Variants in MOB3B observed in about 807,000 individuals in gnomAD.
MOB3B encodes MOB kinase activator 3B, also known as MOB kinase activator-like 2B.
Under a neutral mutation model 18.7 loss-of-function variants are expected in MOB3B, and 7 were observed. The observed-to-expected ratio is 0.37, with a 90% CI of 0.21 to 0.70. The LOEUF is 0.70. MOB3B is among the 30% of genes least tolerant of loss of function. The pLI is 0.52. For synonymous variants in MOB3B, 111 were observed against 99.9 expected (o/e 1.11, Z -0.66); for missense variants, 253 against 281.3 (o/e 0.90, Z 0.72).
chr9:27,372,563 G>C (rs1251275221), intron 2 of MOB3B, among the ~76,000 whole-genome samples: 1 of 152,176 alleles, frequency 6.6e-6, no homozygotes, highest in Non-Finnish European at 1.5e-5. Context: ...AACATCAACA[G>C]TGATCAATCG....
intron 2 of MOB3B, among the ~76,000 whole-genome samples, chr9:27,430,773 T>C (rs1169745875): frequency 2.0e-5 from 3 of 152,112 alleles, no homozygotes; most frequent in Non-Finnish European, 4.4e-5. Context: ...GAGGATTTTA[T>C]TGGTGGTTAT....
At chr9:27,511,120 G>A (rs1004084410) in intron 1 of MOB3B, among the ~76,000 whole-genome samples, 4 of 151,792 alleles carry the variant, frequency 2.6e-5, no homozygotes, top group Non-Finnish European at 5.9e-5. Context: ...ACTCATTTTT[G>A]TCAGAAGCCA....
At chr9:27,373,624 G>C (rs1286721685) in intron 2 of MOB3B, among the ~76,000 whole-genome samples, 1 of 152,062 alleles carries the variant, frequency 6.6e-6, no homozygotes, top group East Asian at 1.9e-4. Context: ...ATAGAAAAAG[G>C]ATTTCTTAAG....
intron 1 of MOB3B, among the ~76,000 whole-genome samples, chr9:27,474,246 A>T (rs1396772579): frequency 6.6e-6 from 1 of 152,210 alleles, no homozygotes; most frequent in Non-Finnish European, 1.5e-5. Flanking sequence ...TCCTCCAACC[A>T]TATCTAGTAA....
At chr9:27,498,322 GGTAC>G (rs543034334) in intron 1 of MOB3B, among the ~76,000 whole-genome samples, 110 of 152,326 alleles carry the variant, frequency 7.2e-4, no homozygotes, top group African/African-American at 2.2e-3. Flanking sequence ...CCTACTGTGA[GGTAC>G]AAGGGTGAGC....
intron 1 of MOB3B, among the ~76,000 whole-genome samples, chr9:27,484,942 A>T (rs187622163): frequency 2.6e-5 from 4 of 152,296 alleles, no homozygotes; most frequent in Admixed American, 2.0e-4. Context: ...ACCTCAGTTA[A>T]TGGAAACTTG....
At chr9:27,422,922 A>G (rs1227701139) in intron 2 of MOB3B, among the ~76,000 whole-genome samples, 1 of 152,226 alleles carries the variant, frequency 6.6e-6, no homozygotes, top group Non-Finnish European at 1.5e-5. Context: ...ATATCTTGAT[A>G]GGGTCTGGAA....
chr9:27,420,235 A>G (rs1351560962), intron 2 of MOB3B, among the ~76,000 whole-genome samples: 1 of 152,070 alleles, frequency 6.6e-6, no homozygotes, highest in Non-Finnish European at 1.5e-5. Flanking sequence ...GGCACTATGG[A>G]AAACAGTGTG....
intron 3 of MOB3B, among the ~76,000 whole-genome samples, chr9:27,357,132 A>ATATATATATATATG (rs1391977251): frequency 1.2e-5 from 1 of 84,246 alleles, no homozygotes; most frequent in African/African-American, 4.4e-5. Flanking sequence ...ATATATATAT[A>ATATATATATATATG]TATATATATA....
chr9:27,457,706 T>G (rs34800901), intron 1 of MOB3B, among the ~76,000 whole-genome samples: 22,959 of 151,826 alleles, frequency 0.15, 1,849 homozygotes, highest in African/African-American at 0.18. Context: ...TTTTTTCCTA[T>G]TCACAGGACA....
intron 1 of MOB3B, among the ~76,000 whole-genome samples, chr9:27,522,683 G>T (rs964749219): frequency 6.6e-6 from 1 of 151,776 alleles, no homozygotes; most frequent in Admixed American, 6.6e-5. Context: ...GTCTTTAAGG[G>T]CATCATCATT....
intron 1 of MOB3B, among the ~76,000 whole-genome samples, chr9:27,503,628 G>A (rs1820019211): frequency 6.6e-6 from 1 of 152,208 alleles, no homozygotes; most frequent in African/African-American, 2.4e-5. Flanking sequence ...CCTCTGTAAA[G>A]TTTGGCTGTC....
chr9:27,330,769 T>G (rs934452160), intron 3 of MOB3B, among the ~76,000 whole-genome samples, 153 bp from the exon 4 acceptor site: 6 of 134,070 alleles, frequency 4.5e-5, no homozygotes, highest in African/African-American at 1.6e-4. Context: ...GAGGGTATGT[T>G]CCATCTGTTT....
At chr9:27,481,520 GTTTT>G (rs1224985717) in intron 1 of MOB3B, among the ~76,000 whole-genome samples, 17 of 91,732 alleles carry the variant, frequency 1.9e-4, no homozygotes, top group East Asian at 4.7e-4. Flanking sequence ...TGTTTTTTTT[GTTTT>G]TTTTTTTTTT....
intron 3 of MOB3B, among the ~76,000 whole-genome samples, chr9:27,355,607 C>T (rs1258769680): frequency 3.3e-5 from 5 of 150,420 alleles, no homozygotes; most frequent in African/African-American, 4.9e-5. Flanking sequence ...TTGCCCAGGC[C>T]GGACTGCAGT....
chr9:27,369,298 C>T (rs1397195923), intron 2 of MOB3B, among the ~76,000 whole-genome samples: 2 of 152,140 alleles, frequency 1.3e-5, no homozygotes, highest in African/African-American at 4.8e-5. Flanking sequence ...ATTCTTTATT[C>T]CCCAGTAGAA....
At chr9:27,501,989 A>G (rs764667528) in intron 1 of MOB3B, among the ~76,000 whole-genome samples, 4 of 152,180 alleles carry the variant, frequency 2.6e-5, no homozygotes, top group Non-Finnish European at 4.4e-5. Flanking sequence ...CTCACTCTCA[A>G]CAAAAAGGGC....
chr9:27,371,485 T>C (rs1487949377), intron 2 of MOB3B, among the ~76,000 whole-genome samples: 2 of 152,132 alleles, frequency 1.3e-5, no homozygotes, highest in Non-Finnish European at 2.9e-5. Context: ...GCATGTAAGA[T>C]CCCGCGAAGG....
chr9:27,376,815 G>C lies in MOB3B; in HGVS notation c.419-17579C>G, dbSNP rs75556396. Among the ~76,000 whole-genome samples the C allele has an allele frequency of 5.3e-5, 8 of 152,250 alleles. No individual in the cohort carries two copies. The East Asian group carries it at 1.5e-3, about 29-fold the overall frequency. ...ACTGAATCTAACACTTGGGGACAAG[G>C]GTCCAGCAATCTGTGCTTTAAGATG... On this transcript the variant is annotated intron_variant, in intron 2 of 3. Transcript: ENST00000262244.
Sources: allele counts gnomAD v4.1 joint callset (sites outside exome capture counted in the v4.1 genomes callset), GRCh38; gene constraint gnomAD v4.1.1; transcripts MANE v1.5; gene names NCBI Gene and HGNC (gene_info 2026-07-23, HGNC 2026-07-21).